Variants in DHX9 observed in about 807,000 individuals in gnomAD.
The protein encoded by DHX9 is ATP-dependent RNA helicase A.
A neutral mutation model predicts 148.7 loss-of-function variants in DHX9; 27 were observed. That is an observed-to-expected ratio of 0.18 (90% CI 0.13 to 0.25). DHX9 has a LOEUF of 0.25. DHX9 is among the 10% of genes least tolerant of loss of function. The pLI is 1.00. For missense variants in DHX9, 796 were observed against 1,559.6 expected, an observed-to-expected ratio of 0.51 and a Z score of 8.25; for synonymous variants, 529 against 516.6, an observed-to-expected ratio of 1.02 and a Z score of -0.33.
At position 182,881,334 on chromosome 1, in the gene DHX9, C is replaced by A. The variant is rs757873167; in HGVS notation, c.2695C>A (p.Arg899=). ...AGAGCCTTTCATCAATGAAGGAAAG[C>A]GGCTGGGCTATATCCATCGAAATTT... The part of the protein sequence containing the change: ...FPEPFINEGK[R]LGYIHRNFAG... The change falls in exon 23 of 28, where the codon CGG becomes AGG. Residue 899 remains arginine (R), a synonymous_variant. Coordinates refer to ENST00000367549, the MANE Select transcript of DHX9 (RefSeq NM_001357.5). 1.2e-6 allele frequency: 2 copies of A among 1,614,118 alleles called. No homozygotes were observed. Among genetic ancestry groups the A allele is most frequent in the East Asian group, 4.5e-5 (2 of 44,876 alleles).
rs1668167912 is a variant in DHX9 at position 182,852,326 on chromosome 1, C to T, written c.346C>T (p.His116Tyr). The T allele has an allele frequency of 6.2e-7, 1 of 1,611,068 alleles. No individual in the cohort carries two copies. The highest frequency in any genetic ancestry group is 8.5e-7 in the Non-Finnish European group (1 of 1,178,326). Residue 116 changes from histidine to tyrosine, a missense_variant, in exon 4 of 28, where the codon CAT becomes TAT. Around this residue, in one of 14 missense-constraint regions of DHX9, gnomAD observed 89 missense variants for 77.5 expected, o/e 1.15. Transcript: ENST00000367549. ...PTTMGGPLPP[H>Y]LALKAENNSE... ...AACCATGGGAGGACCTCTTCCTCCA[C>T]ATCTGGCTCTCAAAGCAGGTAAGGG...
Position 182,881,572 on chromosome 1 carries a change from A to G in DHX9, c.2839A>G (p.Met947Val). The G allele has an allele frequency of 1.9e-6, 3 of 1,613,486 alleles. No individual in the cohort carries two copies. Among genetic ancestry groups the G allele is most frequent in the Non-Finnish European group, 2.5e-6 (3 of 1,179,866 alleles). Residue 947 changes from methionine (M) to valine (V), a missense_variant, in exon 24 of 28, where the codon ATG becomes GTG. Transcript: ENST00000367549. Reference protein sequence around the residue: ...IRFCEHKRLNMATLRMTWEAK... With the variant: ...IRFCEHKRLNVATLRMTWEAK... ...TTTTTGTGAGCACAAAAGACTTAATATGGCTACACTAAGAATGACTTGGGA... is the reference window on the plus strand; with the variant it reads ...TTTTTGTGAGCACAAAAGACTTAATGTGGCTACACTAAGAATGACTTGGGA...
rs1667969436 is a variant in DHX9, at chr1:182,843,537, T to C, written c.252+103T>C. The C allele has an allele frequency of 1.4e-5, 17 of 1,183,090 alleles. No homozygotes were observed. In the South Asian group the frequency reaches 1.6e-4, roughly 11 times the overall value. 73.3% of individuals were successfully genotyped at this position (1,183,090 alleles called of 1,614,324 possible). On this transcript the variant is annotated intron_variant, in intron 3 of 27. Transcript: ENST00000367549. ...AGTAATTTTTCACTGTTTTCAGATA[T>C]ATCGTGTTTCGTAATGAAATTTGGC...
chr1:182,846,190 G>T (rs1015738354), intron 3 of DHX9, among the ~76,000 whole-genome samples: 2 of 151,636 alleles, frequency 1.3e-5, no homozygotes, highest in Non-Finnish European at 2.9e-5. Context: ...AGATTATAAG[G>T]ATTTAGGATT....
At chr1:182,850,217 G>T (rs1344347232) in intron 3 of DHX9, among the ~76,000 whole-genome samples, 2 of 151,990 alleles carry the variant, frequency 1.3e-5, no homozygotes, top group African/African-American at 4.8e-5. Flanking sequence ...TCAGATACTT[G>T]TGTCTTTTTG....
rs1287910030 is a variant in DHX9, at chr1:182,876,067, C to A, written c.1833C>A (p.Ile611=). The A allele has an allele frequency of 5.6e-6, 9 of 1,613,574 alleles. No individual in the cohort carries two copies. Among genetic ancestry groups the A allele is most frequent in the Non-Finnish European group, 7.6e-6 (9 of 1,179,792 alleles). The change falls in exon 17 of 28, where the codon ATC becomes ATA. Residue 611 remains isoleucine, a synonymous_variant. Coordinates refer to ENST00000367549, the MANE Select transcript of DHX9 (RefSeq NM_001357.5). ...GEDDDANCNL[I]CGDEYGPETR... is the part of the protein sequence containing the mutation. ...TTTTACAGGCAAATTGCAACTTGATCTGTGGTGATGAATATGGTCCAGAAA... is the reference window on the plus strand; with the variant it reads ...TTTTACAGGCAAATTGCAACTTGATATGTGGTGATGAATATGGTCCAGAAA...
intron 3 of DHX9, among the ~76,000 whole-genome samples, chr1:182,844,680 C>T (rs1013509466): frequency 5.3e-5 from 8 of 152,160 alleles, no homozygotes; most frequent in African/African-American, 1.9e-4. Flanking sequence ...ATTACAGGCA[C>T]CTGCCAACAT....
intron 26 of DHX9, 90 bp downstream of exon 26, chr1:182,883,725 A>G (rs1649193181): frequency 3.7e-6 from 3 of 807,440 alleles, no homozygotes; most frequent in Non-Finnish European, 5.9e-6. Flanking sequence ...ATTATATACT[A>G]ATTATATCTA....
chr1:182,877,925 T>G, intron 19 of DHX9, 96 bp from the exon 20 acceptor site: 2 of 1,386,996 alleles, frequency 1.4e-6, no homozygotes, highest in Non-Finnish European at 2.0e-6. Flanking sequence ...GGTATGGCTT[T>G]AACTACATAG....
At chr1:182,869,696 C>T (rs1356208455) in intron 14 of DHX9, among the ~76,000 whole-genome samples, 8 of 152,208 alleles carry the variant, frequency 5.3e-5, no homozygotes, top group East Asian at 1.9e-4. Context: ...CTGCAACCTC[C>T]GCCCCTGAGT....
At position 182,853,334 on chromosome 1, in the gene DHX9, C is replaced by T; in HGVS notation, c.393C>T (p.Gly131=). The change falls in exon 5 of 28, where the codon GGC becomes GGT. Residue 131 remains glycine, a synonymous_variant. Transcript: ENST00000367549. The part of the protein sequence containing the change: ...AENNSEVGAS[G]YGVPGPTWDR... The stretch of plus-strand genomic sequence containing the variant: ...ATAATTCTGAGGTAGGGGCCTCTGG[C>T]TATGGTGTTCCTGGGCCCACCTGGG... The T allele has an allele frequency of 6.2e-7, 1 of 1,613,576 alleles. No homozygotes were observed. The highest frequency in any genetic ancestry group is 8.5e-7 in the Non-Finnish European group (1 of 1,179,768).
chr1:182,872,574 A>G lies in DHX9; in HGVS notation c.1714+81A>G, dbSNP rs144334660. The G allele has an allele frequency of 3.5e-3, 4,967 of 1,400,006 alleles. 18 individuals carry two copies. Among genetic ancestry groups the G allele is most frequent in the Non-Finnish European group, 4.5e-3 (4,652 of 1,025,806 alleles). The allele number at this position is 1,400,006 out of a possible 1,614,324, so 86.7% of individuals were successfully genotyped here. ...CTTAATCCTGGAGATTGGAGTTACA[A>G]TTTAAAGAATACTTAAAATACAGGA... On this transcript the variant is annotated intron_variant, in intron 15 of 27. Transcript: ENST00000367549.
chr1:182,877,749 C>T, intron 19 of DHX9: 8 of 331,522 alleles, frequency 2.4e-5, no homozygotes, highest in South Asian at 1.7e-4. Flanking sequence ...TAATGTTTAC[C>T]AAAAAAACTA....
At position 182,866,943 on chromosome 1, in the gene DHX9, ATTGT is replaced by A. The variant is rs758083538; in HGVS notation, c.1475-15_1475-12del. 4 of 1,593,952 alleles carry A rather than the reference ATTGT, an allele frequency of 2.5e-6. No homozygotes were observed. The highest frequency in any genetic ancestry group is 3.4e-6 in the Non-Finnish European group (4 of 1,170,312). Reference sequence around the variant, plus strand: ...CTTTGAACTTTTCTATAGTTTATTGATTGTTTTTCTTTTCAAGGTGTGCTCCTGA... The same window carrying A: ...CTTTGAACTTTTCTATAGTTTATTGATTTTCTTTTCAAGGTGTGCTCCTGA... On this transcript the variant is annotated splice_polypyrimidine_tract_variant and intron_variant, in intron 13 of 27. Transcript: ENST00000367549.
intron 5 of DHX9, among the ~76,000 whole-genome samples, chr1:182,853,731 TTAGTA>T (rs1668203203): frequency 6.6e-6 from 1 of 152,152 alleles, no homozygotes. Flanking sequence ...AAAAAAGTCT[TTAGTA>T]TAGCTTATTT....
rs760391828 is a variant in DHX9 at position 182,860,153 on chromosome 1, G to A, written c.1301G>A (p.Arg434Gln). ...FILDDFIQND[R>Q]AAECNIVVTQ... ...CTAGATGACTTTATCCAGAATGACCGAGCAGCAGAGTGTAACATCGTAGTA... is the reference window on the plus strand; with the variant it reads ...CTAGATGACTTTATCCAGAATGACCAAGCAGCAGAGTGTAACATCGTAGTA... The change falls in exon 12 of 28, where the codon CGA (arginine) becomes CAA (glutamine). Residue 434 changes from arginine to glutamine, a missense_variant. Arg to Gln is a conservative substitution (Grantham distance 43). Around this residue, in one of 14 missense-constraint regions of DHX9, gnomAD observed 58 missense variants for 122.8 expected, o/e 0.47. Transcript: ENST00000367549. The A allele has an allele frequency of 8.7e-6, 14 of 1,611,416 alleles. No individual in the cohort carries two copies. The highest frequency in any genetic ancestry group is 1.1e-5 in the South Asian group (1 of 90,518).
chr1:182,862,888 C>T (rs545589566), intron 12 of DHX9, among the ~76,000 whole-genome samples: 25 of 152,204 alleles, frequency 1.6e-4, no homozygotes, highest in Non-Finnish European at 3.2e-4. Context: ...ATAGTAATTT[C>T]AGTGACTGCT....
chr1:182,849,703 A>T (rs1668096630), intron 3 of DHX9, among the ~76,000 whole-genome samples: 1 of 152,122 alleles, frequency 6.6e-6, no homozygotes, highest in South Asian at 2.1e-4. Context: ...GTATTCTTTT[A>T]ATTTGCTTTT....
chr1:182,866,840 A>C, intron 13 of DHX9, 121 bp from the exon 14 acceptor site: 1 of 821,040 alleles, frequency 1.2e-6, no homozygotes, highest in Non-Finnish European at 1.9e-6. Flanking sequence ...TAATAGTTTA[A>C]ATGTACATGT....
Sources: gnomAD v4.1 joint callset for allele counts (sites outside exome capture counted in the v4.1 genomes callset) on GRCh38, gnomAD v4.1.1 for gene constraint, gnomAD v4.1.1 regional missense constraint, MANE v1.5 for transcripts, NCBI Gene and HGNC (gene_info 2026-07-23, HGNC 2026-07-21) for gene names.